FAM184B: variants seen among roughly 807,000 people sequenced by gnomAD.
The protein encoded by FAM184B is family with sequence similarity 184 member B.
Under a neutral mutation model 135.9 loss-of-function variants are expected in FAM184B, and 111 were observed. The observed-to-expected ratio is 0.82, with a 90% CI of 0.70 to 0.96. The LOEUF is 0.96. FAM184B is among the 40% of genes least tolerant of loss of function. FAM184B has a pLI of 0.00. For missense variants in FAM184B, 1,375 were observed against 1,323.9 expected (o/e 1.04, Z -0.60); for synonymous variants, 552 against 524.8 (o/e 1.05, Z -0.71).
rs75423537 is a variant in FAM184B at position 17,630,822 on chromosome 4, G to A, written c.*1710C>T. 8.9e-4 allele frequency: 135 copies of A among 151,854 alleles called. No homozygotes were observed. The highest frequency in any genetic ancestry group is 3.2e-3 in the African/African-American group (132 of 41,386). 9.4% of individuals were successfully genotyped at this position (151,854 alleles called of 1,614,324 possible). A position where few individuals can be genotyped will look rare whatever the true frequency, so the allele number is the denominator to read the frequency against. ...GGTGTGATTGAGGTTAATGTGAACT[G>A]AACTTTCTATTTCTAAGCTGTCTTC... On this transcript the variant is annotated 3_prime_UTR_variant, in exon 18 of 18. Transcript: ENST00000265018.
intron 1 of FAM184B, among the ~76,000 whole-genome samples, chr4:17,726,841 C>T (rs938025141): frequency 6.6e-6 from 1 of 152,138 alleles, no homozygotes; most frequent in African/African-American, 2.4e-5. Context: ...TCAACAGTCC[C>T]AACAAAAGCT....
At chr4:17,659,218 G>A (rs114702199) in intron 9 of FAM184B, among the ~76,000 whole-genome samples, 2,153 of 150,858 alleles carry the variant, frequency 0.014, 21 homozygotes, top group Middle Eastern at 0.024. Context: ...CGACCCTCCC[G>A]CCTCAGCCTG....
intron 10 of FAM184B, among the ~76,000 whole-genome samples, chr4:17,656,895 C>T (rs1170336216): frequency 6.6e-6 from 1 of 152,130 alleles, no homozygotes; most frequent in Non-Finnish European, 1.5e-5. Context: ...ATTAAAAAGA[C>T]AATGTTTCCA....
intron 1 of FAM184B, among the ~76,000 whole-genome samples, chr4:17,762,044 G>A (rs541156530): frequency 1.3e-5 from 2 of 149,968 alleles, no homozygotes; most frequent in African/African-American, 5.1e-5. Flanking sequence ...GTTTTGTTTT[G>A]ATATGTCCTT....
At chr4:17,766,961 C>G (rs1718711015) in intron 1 of FAM184B, among the ~76,000 whole-genome samples, 1 of 152,198 alleles carries the variant, frequency 6.6e-6, no homozygotes, top group Non-Finnish European at 1.5e-5. Context: ...CGCGGGGAGG[C>G]ACCTGAGGCC....
At chr4:17,668,505 CT>C (rs1292705302) in intron 7 of FAM184B, among the ~76,000 whole-genome samples, 1 of 152,066 alleles carries the variant, frequency 6.6e-6, no homozygotes, top group Non-Finnish European at 1.5e-5. Flanking sequence ...AATTTTTTTG[CT>C]ACCACAATTT....
At chr4:17,732,507 C>G (rs1244926338) in intron 1 of FAM184B, among the ~76,000 whole-genome samples, 4 of 152,124 alleles carry the variant, frequency 2.6e-5, no homozygotes, top group Non-Finnish European at 5.9e-5. Context: ...AAGGGGATAT[C>G]ACCTCCGATC....
chr4:17,711,340 G>A (rs527353982), intron 1 of FAM184B, among the ~76,000 whole-genome samples: 1 of 151,958 alleles, frequency 6.6e-6, no homozygotes, highest in Non-Finnish European at 1.5e-5. Context: ...TTAGCCGGGC[G>A]TGGGGTGGGT....
chr4:17,632,699 T>C, intron 17 of FAM184B, 74 bp from the exon 18 acceptor site: 1 of 988,910 alleles, frequency 1.0e-6, no homozygotes, highest in Non-Finnish European at 1.5e-6. Context: ...CACCATCTTT[T>C]CAGGGAAAGA....
chr4:17,733,717 G>A lies in FAM184B; in HGVS notation c.142-24073C>T, dbSNP rs375455673. Among the ~76,000 whole-genome samples the A allele has an allele frequency of 5.1e-4, 77 of 152,258 alleles. No homozygotes were observed. In the East Asian group the frequency reaches 0.011, roughly 23 times the overall value. ...ATGGAAGAACATTCCATGCTCATGG[G>A]TAGGAAGAATCAATATCGTGAAAAT... On this transcript the variant is annotated intron_variant, in intron 1 of 17. Coordinates refer to ENST00000265018, the MANE Select transcript of FAM184B (RefSeq NM_015688.2).
chr4:17,640,959 A>AT (rs1483502677), intron 13 of FAM184B, among the ~76,000 whole-genome samples: 1 of 152,026 alleles, frequency 6.6e-6, no homozygotes, highest in Non-Finnish European at 1.5e-5. Flanking sequence ...TTTGAGACAG[A>AT]TTGTGGCTCT....
At chr4:17,734,616 C>A in intron 1 of FAM184B, among the ~76,000 whole-genome samples, 1 of 151,700 alleles carries the variant, frequency 6.6e-6, no homozygotes, top group African/African-American at 2.4e-5. Context: ...AAATGCAAAT[C>A]AAAACCACAA....
chr4:17,692,507 A>G (rs189999643), intron 6 of FAM184B, among the ~76,000 whole-genome samples: 11 of 152,348 alleles, frequency 7.2e-5, no homozygotes, highest in African/African-American at 2.6e-4. Flanking sequence ...GCAGCTCCTT[A>G]CAGTCTCTCC....
chr4:17,694,247 G>C (rs554593059), intron 5 of FAM184B, among the ~76,000 whole-genome samples: 1 of 152,330 alleles, frequency 6.6e-6, no homozygotes, highest in South Asian at 2.1e-4. Context: ...AGAGGGGCCA[G>C]GCGCGGTGGC....
At chr4:17,765,476 G>A (rs1054344001) in intron 1 of FAM184B, among the ~76,000 whole-genome samples, 1 of 152,040 alleles carries the variant, frequency 6.6e-6, no homozygotes, top group African/African-American at 2.4e-5. Context: ...CTCACAATGA[G>A]GGATTATCTC....
rs1715252438 is a variant in FAM184B, at chr4:17,639,738, TTCTC to T, written c.2520-346_2520-343del. ...CAGGCGGGGAGGCAAGAGGCTGAGA[TTCTC>T]TATCAGTATGGCCTGAACGCTGGGA... On this transcript the variant is annotated intron_variant, in intron 13 of 17. Coordinates refer to ENST00000265018, the MANE Select transcript of FAM184B (RefSeq NM_015688.2). 3.3e-5 allele frequency among the ~76,000 whole-genome samples: 5 copies of T among 151,876 alleles called. No homozygotes were observed. The South Asian group carries it at 1.0e-3, about 32-fold the overall frequency.
chr4:17,692,033 C>T (rs1369455219), intron 6 of FAM184B, among the ~76,000 whole-genome samples: 1 of 145,646 alleles, frequency 6.9e-6, no homozygotes, highest in African/African-American at 2.5e-5. Flanking sequence ...AGTCGGGCAA[C>T]AGAGCGAGAC....
intron 1 of FAM184B, among the ~76,000 whole-genome samples, chr4:17,769,350 G>GT (rs1348610787): frequency 1.3e-5 from 2 of 152,006 alleles, no homozygotes; most frequent in East Asian, 3.9e-4. Context: ...ATAGATTTAG[G>GT]TTTCTTTAAA....
rs61539641 is a variant in FAM184B at position 17,721,383 on chromosome 4, C to CAAAAAAA, written c.142-11746_142-11740dup. 7.2e-3 allele frequency among the ~76,000 whole-genome samples: 343 copies of CAAAAAAA among 47,382 alleles called. 42 individuals carry two copies. The highest frequency in any genetic ancestry group is 0.024 in the African/African-American group (299 of 12,566). 31.1% of individuals were successfully genotyped at this position (47,382 alleles called of 152,430 possible). On this transcript the variant is annotated intron_variant, in intron 1 of 17. Transcript: ENST00000265018. Reference sequence around the variant, plus strand: ...TGGGCGACAGAGAAAGATTCTGTCTCAAAAAAAAAAAAAAAAAAAAAAATC... The same window carrying CAAAAAAA: ...TGGGCGACAGAGAAAGATTCTGTCTCAAAAAAAAAAAAAAAAAAAAAAAAAAAAAATC...
Sources: gnomAD v4.1 joint callset for allele counts (sites outside exome capture counted in the v4.1 genomes callset) on GRCh38, gnomAD v4.1.1 for gene constraint, MANE v1.5 for transcripts, NCBI Gene and HGNC (gene_info 2026-07-23, HGNC 2026-07-21) for gene names.